NTF3: variants seen among roughly 807,000 people sequenced by gnomAD.
NTF3 encodes the protein neurotrophin-3.
Under a neutral mutation model 26.3 loss-of-function variants are expected in NTF3, and 8 were observed. That is an observed-to-expected ratio of 0.30 (90% CI 0.18 to 0.55). NTF3 has a LOEUF of 0.55. Among genes scored for constraint, NTF3 ranks in the 20% least tolerant of loss-of-function variants. The pLI is 0.93. For missense variants in NTF3, 276 were observed against 352.9 expected (o/e 0.78, Z 1.75); for synonymous variants, 154 against 145.5 (o/e 1.06, Z -0.42).
intron 1 of NTF3, among the ~76,000 whole-genome samples, chr12:5,481,501 G>GAAT (rs1940796019): frequency 8.4e-5 from 1 of 11,934 alleles, no homozygotes; most frequent in Non-Finnish European, 2.0e-4. Context: ...CAGATACACA[G>GAAT]AATACCACAC....
chr12:5,490,479 T>C (rs934792889), intron 1 of NTF3, among the ~76,000 whole-genome samples: 1 of 152,112 alleles, frequency 6.6e-6, no homozygotes, highest in Non-Finnish European at 1.5e-5. Flanking sequence ...AGCGTAGACA[T>C]TCCCCTAAAT....
intron 1 of NTF3, among the ~76,000 whole-genome samples, chr12:5,465,869 T>A (rs1247800051): frequency 3.3e-5 from 5 of 152,226 alleles, no homozygotes; most frequent in African/African-American, 1.2e-4. Flanking sequence ...TCCGTGCCTG[T>A]CTAATGGAAC....
At chr12:5,476,778 A>G (rs1020260693) in intron 1 of NTF3, among the ~76,000 whole-genome samples, 1 of 152,210 alleles carries the variant, frequency 6.6e-6, no homozygotes, top group Non-Finnish European at 1.5e-5. Context: ...GGCCATCAAG[A>G]TTTTGTTTAG....
chr12:5,440,929 G>T (rs1591591359), intron 1 of NTF3, among the ~76,000 whole-genome samples: 1 of 152,360 alleles, frequency 6.6e-6, no homozygotes, highest in East Asian at 1.9e-4. Context: ...GTTATGTGAT[G>T]CCAGATAAGT....
intron 1 of NTF3, among the ~76,000 whole-genome samples, chr12:5,472,094 C>G (rs535260077): frequency 2.7e-4 from 41 of 152,208 alleles, no homozygotes; most frequent in African/African-American, 7.5e-4. Flanking sequence ...GTAAGGTTAC[C>G]ATCTCTGTGT....
intron 1 of NTF3, among the ~76,000 whole-genome samples, chr12:5,458,616 T>C (rs1294672186): frequency 6.6e-6 from 1 of 152,214 alleles, no homozygotes; most frequent in Non-Finnish European, 1.5e-5. Context: ...GAGCTGGGAT[T>C]AAGGAAAAAA....
At chr12:5,466,357 T>A (rs1379649966) in intron 1 of NTF3, among the ~76,000 whole-genome samples, 1 of 152,226 alleles carries the variant, frequency 6.6e-6, no homozygotes, top group Non-Finnish European at 1.5e-5. Context: ...AAACTCAGTA[T>A]AAATGGATCT....
At chr12:5,452,077 C>G (rs1434074261) in intron 1 of NTF3, among the ~76,000 whole-genome samples, 1 of 147,326 alleles carries the variant, frequency 6.8e-6, no homozygotes, top group Non-Finnish European at 1.5e-5. Flanking sequence ...GTACGTATCT[C>G]CCCATGTCTT....
chr12:5,494,016 G>C lies in NTF3; in HGVS notation c.19-178G>C. 1.6e-6 allele frequency: 1 copy of C among 615,304 alleles called. No individual in the cohort carries two copies. 38.1% of individuals were successfully genotyped at this position (615,304 alleles called of 1,614,324 possible). A position where few individuals can be genotyped will look rare whatever the true frequency, so the allele number is the denominator to read the frequency against. On this transcript the variant is annotated intron_variant, in intron 1 of 1. Coordinates refer to ENST00000423158, the MANE Select transcript of NTF3 (RefSeq NM_001102654.2). This position sits in a 1 kb window ranked among gnomAD's most constrained non-coding sequence, Gnocchi z 8.3. ...TGGAGTGCATTCGCAGTATCTCCCGGGGGTGGGGGAAAGAAATCACCTCTT... is the reference window on the plus strand; with the variant it reads ...TGGAGTGCATTCGCAGTATCTCCCGCGGGTGGGGGAAAGAAATCACCTCTT...
intron 1 of NTF3, among the ~76,000 whole-genome samples, chr12:5,462,026 C>T (rs190198184): frequency 1.5e-3 from 229 of 152,294 alleles, no homozygotes; most frequent in Admixed American, 4.1e-3. Context: ...TGTCACAGGA[C>T]GGCCTGTTCT....
intron 1 of NTF3, among the ~76,000 whole-genome samples, chr12:5,453,976 G>GT (rs1940406005): frequency 6.6e-6 from 1 of 152,244 alleles, no homozygotes; most frequent in South Asian, 2.1e-4. Context: ...AGACAACAGA[G>GT]TGAGGCCCTT....
At chr12:5,492,982 A>G (rs1285952709) in intron 1 of NTF3, among the ~76,000 whole-genome samples, 1 of 152,178 alleles carries the variant, frequency 6.6e-6, no homozygotes, top group Non-Finnish European at 1.5e-5. Context: ...CCATGTTTGG[A>G]CAGAACTTTA....
intron 1 of NTF3, among the ~76,000 whole-genome samples, chr12:5,470,539 C>G (rs1940651995): frequency 6.6e-6 from 1 of 152,186 alleles, no homozygotes; most frequent in Non-Finnish European, 1.5e-5. Context: ...CCCGAGTGAG[C>G]CATCCGTGTA....
intron 1 of NTF3, among the ~76,000 whole-genome samples, chr12:5,478,745 T>C (rs891902471): frequency 2.0e-5 from 3 of 152,266 alleles, no homozygotes; most frequent in Admixed American, 6.5e-5. Flanking sequence ...TAAACGACTT[T>C]AACATTTTGC....
chr12:5,432,665 T>C (rs1940111434), intron 1 of NTF3, among the ~76,000 whole-genome samples: 1 of 150,348 alleles, frequency 6.7e-6, no homozygotes, highest in Non-Finnish European at 1.5e-5. Flanking sequence ...CCAAGAAGCT[T>C]CCCTCAATCT....
chr12:5,461,575 A>G (rs573806014), intron 1 of NTF3, among the ~76,000 whole-genome samples: 12 of 152,016 alleles, frequency 7.9e-5, no homozygotes, highest in Admixed American at 6.6e-4. Context: ...TTGACCCCCA[A>G]GCCAATCCCC....
chr12:5,436,927 C>T lies in NTF3; in HGVS notation c.18+4585C>T, dbSNP rs1289727801. ...TCTTTATTTTTTAACATCAGCTATGCAGACCACAGCACCAAAAGAAATGTG... is the reference window on the plus strand; with the variant it reads ...TCTTTATTTTTTAACATCAGCTATGTAGACCACAGCACCAAAAGAAATGTG... On this transcript the variant is annotated intron_variant, in intron 1 of 1. Coordinates refer to ENST00000423158, the MANE Select transcript of NTF3 (RefSeq NM_001102654.2). Among the ~76,000 whole-genome samples, 6 of 152,194 alleles carry T rather than the reference C, an allele frequency of 3.9e-5. No individual in the cohort carries two copies. The East Asian group carries it at 1.2e-3, about 29-fold the overall frequency.
At chr12:5,446,939 G>A (rs1054246456) in intron 1 of NTF3, among the ~76,000 whole-genome samples, 9 of 152,198 alleles carry the variant, frequency 5.9e-5, no homozygotes, top group Admixed American at 4.6e-4. Context: ...GAGCAGGCCA[G>A]GTAGTGAGAC....
intron 1 of NTF3, among the ~76,000 whole-genome samples, chr12:5,471,402 A>G (rs1940664849): frequency 6.6e-6 from 1 of 152,066 alleles, no homozygotes; most frequent in Non-Finnish European, 1.5e-5. Context: ...ATCTTAAAGC[A>G]CAGATATTCT....
Sources: gnomAD v4.1 joint callset for allele counts (sites outside exome capture counted in the v4.1 genomes callset) on GRCh38, gnomAD v4.1.1 for gene constraint, Gnocchi (gnomAD v3.1) non-coding constraint, MANE v1.5 for transcripts, NCBI Gene and HGNC (gene_info 2026-07-23, HGNC 2026-07-21) for gene names.